The following HPSE2 variants were observed in gnomAD, a reference collection of about 807,000 sequenced individuals.
The protein encoded by HPSE2 is inactive heparanase-2.
Under a neutral mutation model 60.5 loss-of-function variants are expected in HPSE2, and 38 were observed. That is an observed-to-expected ratio of 0.63 (90% CI 0.48 to 0.82). The LOEUF is 0.82. HPSE2 is among the 40% of genes least tolerant of loss of function. HPSE2 has a pLI of 0.00. For synonymous variants in HPSE2, 295 were observed against 293.2 expected, an observed-to-expected ratio of 1.01 and a Z score of -0.06; for missense variants, 713 against 740.4, an observed-to-expected ratio of 0.96 and a Z score of 0.43.
At chr10:99,210,022 A>G (rs1034743616) in intron 2 of HPSE2, among the ~76,000 whole-genome samples, 1 of 152,176 alleles carries the variant, frequency 6.6e-6, no homozygotes, top group Non-Finnish European at 1.5e-5. Flanking sequence ...AAAATCAACA[A>G]ATCTTTAGCT....
At chr10:98,551,617 T>C (rs141745920) in intron 9 of HPSE2, among the ~76,000 whole-genome samples, 163 of 152,290 alleles carry the variant, frequency 1.1e-3, no homozygotes, top group African/African-American at 2.4e-3. Context: ...TTCATCCCAA[T>C]TGTGGCCTCT....
chr10:98,907,919 C>T (rs905302863), intron 3 of HPSE2, among the ~76,000 whole-genome samples: 51 of 152,158 alleles, frequency 3.4e-4, no homozygotes, highest in African/African-American at 1.2e-3. Context: ...AAATCTCTTT[C>T]ACCATTGTAG....
At chr10:98,665,811 A>T (rs1416826581) in intron 6 of HPSE2, among the ~76,000 whole-genome samples, 1 of 152,218 alleles carries the variant, frequency 6.6e-6, no homozygotes, top group Non-Finnish European at 1.5e-5. Context: ...CAAAAGGTTG[A>T]TACCTGCTAC....
intron 3 of HPSE2, among the ~76,000 whole-genome samples, chr10:98,889,662 G>T (rs1235362106): frequency 6.6e-6 from 1 of 152,194 alleles, no homozygotes; most frequent in Non-Finnish European, 1.5e-5. Flanking sequence ...GGTCAAGGGA[G>T]TCAAGTGGGC....
At chr10:98,460,630 G>C (rs189235175) in intron 11 of HPSE2, among the ~76,000 whole-genome samples, 2 of 152,140 alleles carry the variant, frequency 1.3e-5, no homozygotes, top group Admixed American at 1.3e-4. Context: ...CAAAAAATGA[G>C]TTTTCATATT....
At chr10:99,241,742 CA>C in the HPSE2 span, among the ~76,000 whole-genome samples, 1 of 152,200 alleles carries the variant, frequency 6.6e-6, no homozygotes, top group Non-Finnish European at 1.5e-5. Flanking sequence ...GCCTGGGTAA[CA>C]GAACGAGACC....
chr10:99,069,390 A>T (rs1245304209), intron 3 of HPSE2, among the ~76,000 whole-genome samples: 1 of 152,090 alleles, frequency 6.6e-6, no homozygotes, highest in Non-Finnish European at 1.5e-5. Context: ...CAATGCTGGA[A>T]TCAAATCATG....
chr10:99,294,112 A>T, the HPSE2 span, among the ~76,000 whole-genome samples: 1 of 152,118 alleles, frequency 6.6e-6, no homozygotes, highest in Non-Finnish European at 1.5e-5. Flanking sequence ...GTGTCTGACC[A>T]GTGGATTATG....
intron 7 of HPSE2, among the ~76,000 whole-genome samples, chr10:98,626,409 T>C (rs1946215849): frequency 6.6e-6 from 1 of 152,188 alleles, no homozygotes; most frequent in South Asian, 2.1e-4. Flanking sequence ...TCATTTATTT[T>C]CCAACCCGCT....
intron 2 of HPSE2, among the ~76,000 whole-genome samples, chr10:99,169,831 A>T (rs1477084178): frequency 6.6e-6 from 1 of 152,174 alleles, no homozygotes; most frequent in African/African-American, 2.4e-5. Context: ...TAAAGAGCCA[A>T]ACAGAAAGTA....
chr10:98,827,779 G>A (rs1378459662), intron 3 of HPSE2, among the ~76,000 whole-genome samples: 2 of 152,130 alleles, frequency 1.3e-5, no homozygotes, highest in African/African-American at 2.4e-5. Flanking sequence ...GCACATATCC[G>A]ACCACTATTA....
chr10:99,302,055 G>T, the HPSE2 span, among the ~76,000 whole-genome samples: 361 of 152,020 alleles, frequency 2.4e-3, 6 homozygotes, highest in East Asian at 7.6e-3. Flanking sequence ...TCCTGATGTT[G>T]AGTGGTTTAC....
intron 10 of HPSE2, among the ~76,000 whole-genome samples, chr10:98,484,626 G>A (rs911293231): frequency 3.9e-5 from 6 of 152,098 alleles, no homozygotes; most frequent in African/African-American, 7.2e-5. Context: ...TTCTTTGACC[G>A]TTTCAGTTTA....
In HPSE2 at chr10:98,867,820, G is replaced by T. The variant is rs535146483; in HGVS notation, c.611-123764C>A. 1.3e-4 allele frequency among the ~76,000 whole-genome samples: 20 copies of T among 152,276 alleles called. No individual in the cohort carries two copies. In the East Asian group the frequency reaches 3.9e-3, roughly 29 times the overall value. Reference sequence around the variant, plus strand: ...CATGCCTGTAATCCCAGCACTTTGGGAGGCCAAGGCAGGCCAACTACCTGA... The same window carrying T: ...CATGCCTGTAATCCCAGCACTTTGGTAGGCCAAGGCAGGCCAACTACCTGA... On this transcript the variant is annotated intron_variant, in intron 3 of 11. Coordinates refer to ENST00000370552, the MANE Select transcript of HPSE2 (RefSeq NM_021828.5).
the HPSE2 span, among the ~76,000 whole-genome samples, chr10:99,268,293 A>G: frequency 1.3e-5 from 2 of 152,202 alleles, no homozygotes; most frequent in Non-Finnish European, 2.9e-5. Flanking sequence ...AACTGCCAAA[A>G]GGAGCACTAA....
chr10:98,957,175 A>G (rs1208541222), intron 3 of HPSE2, among the ~76,000 whole-genome samples: 1 of 152,198 alleles, frequency 6.6e-6, no homozygotes, highest in Non-Finnish European at 1.5e-5. Context: ...GTTTGGCAAG[A>G]AAGTCTGAGG....
At chr10:98,555,771 T>G (rs983715319) in intron 9 of HPSE2, among the ~76,000 whole-genome samples, 1 of 152,210 alleles carries the variant, frequency 6.6e-6, no homozygotes, top group Non-Finnish European at 1.5e-5. Flanking sequence ...TTAATTCTCC[T>G]CTTTCGAAAC....
chr10:98,994,007 A>G (rs1956587659), intron 3 of HPSE2, among the ~76,000 whole-genome samples: 1 of 152,216 alleles, frequency 6.6e-6, no homozygotes, highest in South Asian at 2.1e-4. Flanking sequence ...CCATGTTGGT[A>G]GCCACACTGA....
intron 6 of HPSE2, among the ~76,000 whole-genome samples, chr10:98,661,610 A>G (rs1947226835): frequency 6.6e-6 from 1 of 152,090 alleles, no homozygotes; most frequent in Non-Finnish European, 1.5e-5. Context: ...CCTAAACAAT[A>G]TATCTTTGTT....
Sources: gnomAD v4.1 joint callset for allele counts (sites outside exome capture counted in the v4.1 genomes callset) on GRCh38, gnomAD v4.1.1 for gene constraint, MANE v1.5 for transcripts, NCBI Gene and HGNC (gene_info 2026-07-23, HGNC 2026-07-21) for gene names.